The following HS6ST3 variants were observed in gnomAD, a reference collection of about 807,000 sequenced individuals.
The protein encoded by HS6ST3 is heparan-sulfate 6-O-sulfotransferase 3.
HS6ST3 carries 12 observed loss-of-function variants against 36.7 expected under a neutral mutation model. The ratio of observed to expected loss-of-function variants is 0.33; its 90% CI spans 0.21 to 0.53. The LOEUF is 0.53. Among genes scored for constraint, HS6ST3 ranks in the 20% least tolerant of loss-of-function variants. The pLI, the probability that HS6ST3 is intolerant of heterozygous loss-of-function variation, is 0.95. For missense variants in HS6ST3, 584 were observed against 640.9 expected, an observed-to-expected ratio of 0.91 and a Z score of 0.96; for synonymous variants, 240 against 257.5, an observed-to-expected ratio of 0.93 and a Z score of 0.65.
At chr13:96,391,890 T>TAGC (rs1368186886) in intron 1 of HS6ST3, among the ~76,000 whole-genome samples, 1 of 152,216 alleles carries the variant, frequency 6.6e-6, no homozygotes, top group Non-Finnish European at 1.5e-5. Context: ...TGGTTGTGAA[T>TAGC]AGCATCTACC....
At chr13:96,664,697 A>C (rs537048418) in intron 1 of HS6ST3, among the ~76,000 whole-genome samples, 1 of 152,140 alleles carries the variant, frequency 6.6e-6, no homozygotes, top group Non-Finnish European at 1.5e-5. Flanking sequence ...CTATCTTTCC[A>C]TCTTCTTTCC....
rs2054967084 is a variant in HS6ST3, at chr13:96,316,005, A to G, written c.707+224436A>G. On this transcript the variant is annotated intron_variant, in intron 1 of 1. Coordinates refer to ENST00000376705, the MANE Select transcript of HS6ST3 (RefSeq NM_153456.4). The stretch of plus-strand genomic sequence containing the variant: ...CTTCGGAATGCTCACTTCTGGTTGT[A>G]TTTTTAAAAATAATCATTATTGTGT... Among the ~76,000 whole-genome samples, 4 of 152,300 alleles carry G rather than the reference A, an allele frequency of 2.6e-5. No individual in the cohort carries two copies. The South Asian group carries it at 8.3e-4, about 32-fold the overall frequency.
intron 1 of HS6ST3, among the ~76,000 whole-genome samples, chr13:96,143,159 T>C (rs2054040209): frequency 6.6e-6 from 1 of 151,966 alleles, no homozygotes; most frequent in Admixed American, 6.6e-5. Flanking sequence ...ATCCTATTGA[T>C]AGCAGCCATC....
In HS6ST3 at chr13:96,836,641, A is replaced by G. The variant is rs1167892415; in HGVS notation, c.*3443A>G. The G allele has an allele frequency of 3.3e-5, 5 of 152,216 alleles. No homozygotes were observed. The highest frequency in any genetic ancestry group is 7.3e-5 in the Non-Finnish European group (5 of 68,034). 9.4% of individuals were successfully genotyped at this position (152,216 alleles called of 1,614,324 possible). A position where few individuals can be genotyped will look rare whatever the true frequency, so the allele number is the denominator to read the frequency against. On this transcript the variant is annotated 3_prime_UTR_variant, in exon 2 of 2. Coordinates refer to ENST00000376705, the MANE Select transcript of HS6ST3 (RefSeq NM_153456.4). The stretch of plus-strand genomic sequence containing the variant: ...TATGCCTTTAAGGTAATTTTTAAAA[A>G]AAATCTGAGTAGAGATAGTACTAAT...
chr13:96,790,960 A>G (rs910829638), intron 1 of HS6ST3, among the ~76,000 whole-genome samples: 6 of 152,034 alleles, frequency 3.9e-5, no homozygotes, highest in South Asian at 2.1e-4. Flanking sequence ...TTACAAGAGA[A>G]CATATGTGCT....
intron 1 of HS6ST3, among the ~76,000 whole-genome samples, chr13:96,192,956 A>G (rs920098278): frequency 1.1e-4 from 16 of 152,298 alleles, no homozygotes; most frequent in Non-Finnish European, 2.2e-4. Context: ...TATTGCAGTC[A>G]AGAGTCTTCT....
chr13:96,602,300 G>T (rs1204736930), intron 1 of HS6ST3, among the ~76,000 whole-genome samples: 1 of 152,060 alleles, frequency 6.6e-6, no homozygotes, highest in Non-Finnish European at 1.5e-5. Flanking sequence ...CCAGTTGCTG[G>T]CATCTTATTT....
rs1244825117 is a variant in HS6ST3, at chr13:96,832,757, G to C, written c.975G>C (p.Leu325Phe). 22 of 1,614,036 alleles carry C rather than the reference G, an allele frequency of 1.4e-5. No homozygotes were observed. The highest frequency in any genetic ancestry group is 1.9e-5 in the Non-Finnish European group (22 of 1,180,026). The change falls in exon 2 of 2, where the codon TTG (leucine) becomes TTC (phenylalanine). Residue 325 changes from leucine to phenylalanine, a missense_variant. By Grantham distance (22) the Leu-to-Phe change is conservative. Transcript: ENST00000376705. ...TCAGCCTGGTGGGCTGCTATAACTT[G>C]ACTTTCATGAACGAGAGTGAAAGAA... ...ADLSLVGCYN[L>F]TFMNESERNT... is the part of the protein sequence containing the mutation.
chr13:96,718,923 G>T (rs919001087), intron 1 of HS6ST3, among the ~76,000 whole-genome samples: 3 of 152,154 alleles, frequency 2.0e-5, no homozygotes, highest in African/African-American at 7.2e-5. Context: ...TTCCTTTAGA[G>T]AGTCTAGGCA....
chr13:96,657,093 A>C (rs2056628543), intron 1 of HS6ST3, among the ~76,000 whole-genome samples: 1 of 151,936 alleles, frequency 6.6e-6, no homozygotes, highest in Non-Finnish European at 1.5e-5. Flanking sequence ...CAAATGGCAA[A>C]GCAGGAAATA....
intron 1 of HS6ST3, among the ~76,000 whole-genome samples, chr13:96,733,093 C>T (rs983106752): frequency 6.6e-6 from 1 of 152,026 alleles, no homozygotes; most frequent in Non-Finnish European, 1.5e-5. Context: ...GACAGTTTAA[C>T]TTCTTTCTTT....
At chr13:96,197,164 A>T (rs1430595427) in intron 1 of HS6ST3, among the ~76,000 whole-genome samples, 1 of 152,232 alleles carries the variant, frequency 6.6e-6, no homozygotes, top group African/African-American at 2.4e-5. Context: ...GCTGCTGATA[A>T]AGACATACCC....
intron 1 of HS6ST3, among the ~76,000 whole-genome samples, chr13:96,509,935 G>A (rs1007328212): frequency 1.3e-5 from 2 of 152,088 alleles, no homozygotes. Context: ...GCTTTGGGCA[G>A]TATGGTCATT....
intron 1 of HS6ST3, among the ~76,000 whole-genome samples, chr13:96,334,297 C>T (rs1460572339): frequency 6.6e-6 from 1 of 152,110 alleles, no homozygotes; most frequent in East Asian, 1.9e-4. Context: ...TGAGTTCTTA[C>T]ACAATGTGGT....
At chr13:96,129,524 T>A (rs1237583277) in intron 1 of HS6ST3, among the ~76,000 whole-genome samples, 1 of 152,236 alleles carries the variant, frequency 6.6e-6, no homozygotes, top group East Asian at 1.9e-4. Flanking sequence ...TATCTGTTAG[T>A]TTGTATGAAA....
chr13:96,332,298 G>T (rs1419772487), intron 1 of HS6ST3, among the ~76,000 whole-genome samples: 1 of 152,126 alleles, frequency 6.6e-6, no homozygotes, highest in Non-Finnish European at 1.5e-5. Context: ...ATACATAAAA[G>T]GACTATAGAT....
intron 1 of HS6ST3, among the ~76,000 whole-genome samples, chr13:96,330,532 G>C (rs1017468125): frequency 1.3e-5 from 2 of 152,048 alleles, no homozygotes; most frequent in African/African-American, 4.8e-5. Flanking sequence ...CTGGCTTGTA[G>C]GGTTTCTGCT....
chr13:96,107,410 C>T (rs914963401), intron 1 of HS6ST3, among the ~76,000 whole-genome samples: 1 of 151,966 alleles, frequency 6.6e-6, no homozygotes, highest in African/African-American at 2.4e-5. Flanking sequence ...GATGGGTTAT[C>T]CATGAGAATA....
At chr13:96,543,706 C>T (rs2056186841) in intron 1 of HS6ST3, among the ~76,000 whole-genome samples, 1 of 152,098 alleles carries the variant, frequency 6.6e-6, no homozygotes, top group Admixed American at 6.5e-5. Flanking sequence ...GGACCCATTC[C>T]TCTCTCCAAA....
Sources: allele counts gnomAD v4.1 joint callset (sites outside exome capture counted in the v4.1 genomes callset), GRCh38; gene constraint gnomAD v4.1.1; transcripts MANE v1.5; gene names NCBI Gene and HGNC (gene_info 2026-07-23, HGNC 2026-07-21).